ZNF385D: variants seen among roughly 807,000 people sequenced by gnomAD.
The protein encoded by ZNF385D is zinc finger protein 385D.
A neutral mutation model predicts 35.8 loss-of-function variants in ZNF385D; 15 were observed. The observed-to-expected ratio is 0.42, with a 90% confidence interval of 0.28 to 0.64. The LOEUF (loss-of-function observed/expected upper bound fraction) is 0.64. Ranked by LOEUF, ZNF385D falls within the 30% of genes least tolerant of loss-of-function variation. The pLI is 0.23. For missense variants in ZNF385D, 474 were observed against 494.6 expected (o/e 0.96, Z 0.39); for synonymous variants, 212 against 186.8 (o/e 1.13, Z -1.10).
At chr3:21,594,991 C>T (rs1044754674) in intron 2 of ZNF385D, among the ~76,000 whole-genome samples, 1 of 152,164 alleles carries the variant, frequency 6.6e-6, no homozygotes, top group African/African-American at 2.4e-5. Context: ...TAATTAAATG[C>T]TCTTTTTTCT....
intron 4 of ZNF385D, among the ~76,000 whole-genome samples, chr3:21,461,906 C>A (rs1441670369): frequency 2.0e-5 from 3 of 152,046 alleles, no homozygotes; most frequent in Admixed American, 6.6e-5. Flanking sequence ...TTATTTTTAA[C>A]CTCTGAGCAC....
chr3:22,077,162 T>C (rs1349560392), intron 3 of ZNF385D, among the ~76,000 whole-genome samples: 4 of 151,992 alleles, frequency 2.6e-5, no homozygotes, highest in South Asian at 2.1e-4. Flanking sequence ...GGTATTGCTA[T>C]AGTTCAGTAT....
chr3:22,355,236 T>C (rs891532312), intron 2 of ZNF385D, among the ~76,000 whole-genome samples: 3 of 152,060 alleles, frequency 2.0e-5, no homozygotes, highest in African/African-American at 7.2e-5. Flanking sequence ...GTATGAGATA[T>C]TTTCATTAAA....
intron 3 of ZNF385D, among the ~76,000 whole-genome samples, chr3:21,937,371 T>C (rs1439413213): frequency 1.3e-5 from 2 of 152,186 alleles, no homozygotes; most frequent in Non-Finnish European, 2.9e-5. Context: ...CCAATGACTT[T>C]TACAGTTATT....
intron 3 of ZNF385D, among the ~76,000 whole-genome samples, chr3:21,792,448 T>C (rs933449066): frequency 1.3e-5 from 2 of 152,232 alleles, no homozygotes; most frequent in African/African-American, 2.4e-5. Context: ...TGTTTGCTTA[T>C]TGTCTATGGT....
intron 3 of ZNF385D, among the ~76,000 whole-genome samples, chr3:21,860,565 C>T (rs1005397302): frequency 5.3e-5 from 8 of 152,120 alleles, no homozygotes; most frequent in Admixed American, 2.0e-4. Flanking sequence ...GAGACACTGC[C>T]ACTGCCAACA....
chr3:22,326,744 C>A (rs1694697634), intron 2 of ZNF385D, among the ~76,000 whole-genome samples: 1 of 152,224 alleles, frequency 6.6e-6, no homozygotes, highest in East Asian at 1.9e-4. Context: ...AGTGTATTGA[C>A]CATAAGTGTA....
intron 3 of ZNF385D, among the ~76,000 whole-genome samples, chr3:22,048,517 T>G (rs1355111632): frequency 6.6e-6 from 1 of 152,204 alleles, no homozygotes; most frequent in African/African-American, 2.4e-5. Flanking sequence ...TTCCCTGTTG[T>G]GTGTTCTGGA....
At chr3:21,921,234 A>AT (rs1416576538) in intron 3 of ZNF385D, among the ~76,000 whole-genome samples, 7 of 151,504 alleles carry the variant, frequency 4.6e-5, no homozygotes, top group Non-Finnish European at 1.0e-4. Context: ...AAAAAAAAAA[A>AT]AAAAAAAAAT....
chr3:21,870,487 C>G (rs1459790286), intron 3 of ZNF385D, among the ~76,000 whole-genome samples: 2 of 152,086 alleles, frequency 1.3e-5, no homozygotes, highest in African/African-American at 4.8e-5. Flanking sequence ...TCAACATGTA[C>G]GTAAACGTGA....
intron 3 of ZNF385D, among the ~76,000 whole-genome samples, chr3:22,123,948 CTCTCTCTCTCTCTCTATATATATATA>C (rs1359465120): frequency 2.0e-5 from 2 of 102,130 alleles, no homozygotes; most frequent in African/African-American, 7.3e-5. Context: ...CTCTCTCTCT[CTCTCTCTCTCTCTCTATATATATATA>C]TATATATATA....
At chr3:22,123,424 T>C (rs1215351537) in intron 3 of ZNF385D, among the ~76,000 whole-genome samples, 1 of 152,218 alleles carries the variant, frequency 6.6e-6, no homozygotes, top group African/African-American at 2.4e-5. Context: ...TAAAATATTT[T>C]GATACAAGCA....
intron 3 of ZNF385D, among the ~76,000 whole-genome samples, chr3:21,765,970 G>A (rs1309660697): frequency 6.6e-6 from 1 of 152,044 alleles, no homozygotes; most frequent in East Asian, 1.9e-4. Flanking sequence ...ACTAGTAAGA[G>A]CCATGGTCAA....
At chr3:22,160,513 G>C (rs902857205) in intron 3 of ZNF385D, among the ~76,000 whole-genome samples, 2 of 152,058 alleles carry the variant, frequency 1.3e-5, no homozygotes, top group Admixed American at 6.6e-5. Flanking sequence ...AGAAAATCTT[G>C]TAAATTGAAA....
At chr3:21,747,891 T>C (rs576363897) in intron 1 of ZNF385D, among the ~76,000 whole-genome samples, 3 of 152,338 alleles carry the variant, frequency 2.0e-5, no homozygotes, top group Admixed American at 2.0e-4. Flanking sequence ...AATTTTTAAC[T>C]ATCTAAAACA....
intron 3 of ZNF385D, among the ~76,000 whole-genome samples, chr3:21,947,893 G>A (rs927339519): frequency 6.6e-6 from 1 of 151,744 alleles, no homozygotes; most frequent in Non-Finnish European, 1.5e-5. Context: ...ATTTCTCCTG[G>A]GTTTTGTTTC....
At chr3:22,326,704 A>C (rs1282768344) in intron 2 of ZNF385D, among the ~76,000 whole-genome samples, 1 of 152,216 alleles carries the variant, frequency 6.6e-6, no homozygotes, top group African/African-American at 2.4e-5. Context: ...TCTGTTTTAA[A>C]ACATTTTAGT....
intron 3 of ZNF385D, among the ~76,000 whole-genome samples, chr3:21,525,945 C>T (rs1407375223): frequency 2.0e-5 from 3 of 151,948 alleles, no homozygotes; most frequent in Admixed American, 1.3e-4. Context: ...TTTTTTTCCC[C>T]TTGGGCATAT....
At chr3:22,285,135 C>G (rs1701959248) in intron 2 of ZNF385D, among the ~76,000 whole-genome samples, 1 of 152,088 alleles carries the variant, frequency 6.6e-6, no homozygotes, top group South Asian at 2.1e-4. Context: ...CCCTGGCAAA[C>G]CAACTGAATC....
Sources: allele counts gnomAD v4.1 joint callset (sites outside exome capture counted in the v4.1 genomes callset), GRCh38; gene constraint gnomAD v4.1.1; transcripts MANE v1.5; gene names NCBI Gene and HGNC (gene_info 2026-07-23, HGNC 2026-07-21).